XYLT2: variants seen among roughly 807,000 people sequenced by gnomAD.
The protein encoded by XYLT2 is xylosyltransferase 2.
XYLT2 carries 37 observed loss-of-function variants against 82.6 expected under a neutral mutation model. That is an observed-to-expected ratio of 0.45 (90% confidence interval 0.34 to 0.59). The LOEUF (loss-of-function observed/expected upper bound fraction) is 0.59. XYLT2 is among the 20% of genes least tolerant of loss of function. The pLI, the probability that XYLT2 is intolerant of heterozygous loss-of-function variation, is 0.01. For missense variants in XYLT2, 934 were observed against 1,181.3 expected, an observed-to-expected ratio of 0.79 and a Z score of 3.07; for synonymous variants, 474 against 499.0, an observed-to-expected ratio of 0.95 and a Z score of 0.67.
chr17:50,353,144 G>A (rs1249423591), intron 1 of XYLT2, among the ~76,000 whole-genome samples: 1 of 152,086 alleles, frequency 6.6e-6, no homozygotes, highest in Admixed American at 6.6e-5. Flanking sequence ...GCTGTGAGGT[G>A]GCCTCAGTCT....
At position 50,356,665 on chromosome 17, in the gene XYLT2, G is replaced by A. The variant is rs1169357330; in HGVS notation, c.1637G>A (p.Gly546Asp). ...GAGAACACCTACGACGCGGCTGATG[G>A]CCCCAGTGGGCTCAGTGATGTCATG... is the stretch of plus-strand genomic sequence containing the variant. Reference protein sequence around the residue: ...YWENTYDAADGPSGLSDVMLT... With the variant: ...YWENTYDAADDPSGLSDVMLT... Residue 546 changes from glycine (G) to aspartate (D), a missense_variant, in exon 8 of 11, where the codon GGC becomes GAC. Physicochemically the swap from Gly to Asp is moderately conservative, Grantham distance 94. Coordinates refer to ENST00000017003, the MANE Select transcript of XYLT2 (RefSeq NM_022167.4). 3.0e-5 allele frequency: 49 copies of A among 1,613,648 alleles called. No homozygotes were observed. Among genetic ancestry groups the A allele is most frequent in the Non-Finnish European group, 4.1e-5 (48 of 1,180,034 alleles).
Position 50,358,458 on chromosome 17 carries a change from C to T in XYLT2, c.2193C>T (p.Leu731=), listed in dbSNP as rs765405225. Residue 731 remains leucine, a synonymous_variant, in exon 10 of 11, where the codon CTC becomes CTT. Transcript: ENST00000017003. ...PLRPGPWTVR[L]LQFWEPLGET... is the part of the protein sequence containing the mutation. Reference sequence around the variant, plus strand: ...GGCCAGGGCCCTGGACTGTTCGACTCCTTCAGTTCTGGGAACCGCTGGGTG... The same window carrying T: ...GGCCAGGGCCCTGGACTGTTCGACTTCTTCAGTTCTGGGAACCGCTGGGTG... 10 of 1,614,096 alleles carry T rather than the reference C, an allele frequency of 6.2e-6. No individual in the cohort carries two copies. In the African/African-American group the frequency reaches 9.3e-5, roughly 15 times the overall value.
intron 1 of XYLT2, among the ~76,000 whole-genome samples, chr17:50,348,470 T>C (rs1019282681): frequency 5.3e-5 from 8 of 152,330 alleles, no homozygotes; most frequent in African/African-American, 1.9e-4. Context: ...GGTTTTATTC[T>C]AAGTGCAGTG....
At chr17:50,352,695 AG>A (rs1453523872) in intron 1 of XYLT2, among the ~76,000 whole-genome samples, 1 of 152,204 alleles carries the variant, frequency 6.6e-6, no homozygotes, top group Non-Finnish European at 1.5e-5. Flanking sequence ...GCCAGGAAGC[AG>A]GGGCGCAGCA....
chr17:50,356,007 C>G lies in XYLT2; in HGVS notation c.1305+10C>G. The G allele has an allele frequency of 6.2e-7, 1 of 1,614,214 alleles. No individual in the cohort carries two copies. Among genetic ancestry groups the G allele is most frequent in the Non-Finnish European group, 8.5e-7 (1 of 1,180,034 alleles). On this transcript the variant is annotated intron_variant, in intron 6 of 10. Transcript: ENST00000017003. ...ACTGCTCCCAGCCGAGGTGGGTAGCCCAGCAGGCATGAAGGCCAGGGAGGG... is the reference window on the plus strand; with the variant it reads ...ACTGCTCCCAGCCGAGGTGGGTAGCGCAGCAGGCATGAAGGCCAGGGAGGG...
intron 1 of XYLT2, among the ~76,000 whole-genome samples, chr17:50,347,240 C>T (rs1418418083): frequency 6.6e-6 from 1 of 152,214 alleles, no homozygotes; most frequent in East Asian, 1.9e-4. Context: ...CCCCCAGCGC[C>T]CCTGTTCTGC....
intron 10 of XYLT2, chr17:50,359,715 C>G (rs552241373): frequency 1.9e-6 from 1 of 514,450 alleles, no homozygotes; most frequent in Non-Finnish European, 3.5e-6. Context: ...AGACTGTTCC[C>G]TTTTCTAAAG....
In XYLT2 at chr17:50,360,246, C is replaced by T; in HGVS notation, c.2553C>T (p.Pro851=). ...GCTGGAGCTCTCTGTCCCCCGACCC[C>T]AAATCAGAGCTGGGGCCTGTCAAAG... is the stretch of plus-strand genomic sequence containing the variant. ...LTSWSSLSPD[P]KSELGPVKAD... Residue 851 remains proline, a synonymous_variant, in exon 11 of 11, where the codon CCC becomes CCT. Coordinates refer to ENST00000017003, the MANE Select transcript of XYLT2 (RefSeq NM_022167.4). 1 of 1,612,402 alleles carries T rather than the reference C, an allele frequency of 6.2e-7. No individual in the cohort carries two copies. The highest frequency in any genetic ancestry group is 8.5e-7 in the Non-Finnish European group (1 of 1,179,052).
rs1912622431 is a variant in XYLT2 at position 50,357,960 on chromosome 17, CG to C, written c.1942-246del. 2.0e-5 allele frequency: 10 copies of C among 511,654 alleles called. No individual in the cohort carries two copies. In the South Asian group the frequency reaches 3.3e-4, roughly 17 times the overall value. The allele number at this position is 511,654 out of a possible 1,614,324, so 31.7% of individuals were successfully genotyped here. On this transcript the variant is annotated intron_variant, in intron 9 of 10. Transcript: ENST00000017003. ...GCAGGACTTTGAACCTCATCCCTGC[CG>C]TATTGTCCCCAATAAGGGGGACTGA...
chr17:50,357,944 T>C (rs967439652), intron 9 of XYLT2: 4 of 474,968 alleles, frequency 8.4e-6, no homozygotes, highest in Non-Finnish European at 1.5e-5. Context: ...GGCAGGACTT[T>C]GAACCTCATC....
intron 10 of XYLT2, chr17:50,358,881 C>G (rs1487686821): frequency 4.4e-6 from 1 of 227,238 alleles, no homozygotes; most frequent in East Asian, 9.1e-5. Flanking sequence ...GTTCATGCAA[C>G]ACAAATCCAC....
At position 50,346,203 on chromosome 17, in the gene XYLT2, G is replaced by T; in HGVS notation, c.63G>T (p.Ala21=). The change falls in exon 1 of 11, where the codon GCG becomes GCT. Residue 21 remains alanine (A), a synonymous_variant. Transcript: ENST00000017003. The surrounding 1 kb of genome is among the most constrained non-coding windows in gnomAD (Gnocchi z 5.1). ...VRRYKLAIAT[A]LAILLLQGLV... ...GCTACAAGCTGGCGATTGCCACGGC[G>T]CTGGCCATCCTGCTGCTGCAGGGCC... 7.7e-7 allele frequency: 1 copy of T among 1,293,852 alleles called. No individual in the cohort carries two copies. The highest frequency in any genetic ancestry group is 1.0e-6 in the Non-Finnish European group (1 of 994,530). 80.1% of individuals were successfully genotyped at this position (1,293,852 alleles called of 1,614,324 possible).
rs201928888 is a variant in XYLT2, at chr17:50,355,883, C to T, written c.1191C>T (p.Gly397=). The T allele has an allele frequency of 1.6e-4, 258 of 1,614,114 alleles. No individual in the cohort carries two copies. The highest frequency in any genetic ancestry group is 1.9e-4 in the Non-Finnish European group (223 of 1,180,062). Reference sequence around the variant, plus strand: ...TCCCAGCAGGCATTGTGGTGGATGGCGGTTCTGACTGGTTCGTGCTGACAC... The same window carrying T: ...TCCCAGCAGGCATTGTGGTGGATGGTGGTTCTGACTGGTTCGTGCTGACAC... ...RQIPAGIVVD[G]GSDWFVLTRS... Residue 397 remains glycine (G), a synonymous_variant, in exon 6 of 11, where the codon GGC becomes GGT. Transcript: ENST00000017003.
Position 50,356,525 on chromosome 17 carries a change from C to T in XYLT2, c.1497C>T (p.Pro499=). Residue 499 remains proline (P), a synonymous_variant, in exon 8 of 11, where the codon CCC becomes CCT. Coordinates refer to ENST00000017003, the MANE Select transcript of XYLT2 (RefSeq NM_022167.4). ...DFLRLQQVSR[P]TFFARKFEST... is the part of the protein sequence containing the mutation. ...TCCCACTCCAGCAAGTCTCCAGACC[C>T]ACCTTCTTCGCCCGGAAGTTCGAGT... The T allele has an allele frequency of 6.2e-7, 1 of 1,614,102 alleles. No homozygotes were observed. Among genetic ancestry groups the T allele is most frequent in the South Asian group, 1.1e-5 (1 of 91,086 alleles).
chr17:50,349,621 G>A (rs1463804283), intron 1 of XYLT2, among the ~76,000 whole-genome samples: 6 of 152,174 alleles, frequency 3.9e-5, no homozygotes, highest in Non-Finnish European at 8.8e-5. Flanking sequence ...AGGCTGGCTG[G>A]GTGCTAGGCA....
At position 50,351,668 on chromosome 17, in the gene XYLT2, C is replaced by T. The variant is rs1384364519; in HGVS notation, c.136-1962C>T. ...AAAATGATTCCTAAAAGTTTTTGGC[C>T]TGAGCATCCTGAAGGATGGAGATGT... On this transcript the variant is annotated intron_variant, in intron 1 of 10. Coordinates refer to ENST00000017003, the MANE Select transcript of XYLT2 (RefSeq NM_022167.4). 3.9e-5 allele frequency among the ~76,000 whole-genome samples: 6 copies of T among 152,190 alleles called. No individual in the cohort carries two copies. The South Asian group carries it at 1.2e-3, about 32-fold the overall frequency.
rs1428633163 is a variant in XYLT2, at chr17:50,346,639, G to C, written c.135+364G>C. The C allele has an allele frequency of 3.0e-6, 3 of 985,272 alleles. No individual in the cohort carries two copies. Among genetic ancestry groups the C allele is most frequent in the Non-Finnish European group, 3.6e-6 (3 of 829,904 alleles). The allele number at this position is 985,272 out of a possible 1,614,324, so 61.0% of individuals were successfully genotyped here. A position where few individuals can be genotyped will look rare whatever the true frequency, so the allele number is the denominator to read the frequency against. ...CCTGCTCGGAGGTGGGGAGCCCCAG[G>C]CCAAACTTTCTGAAGTTGGGAGGGG... On this transcript the variant is annotated intron_variant, in intron 1 of 10. Transcript: ENST00000017003. This position sits in a 1 kb window ranked among gnomAD's most constrained non-coding sequence, Gnocchi z 5.1.
chr17:50,357,308 G>A (rs1284288088), intron 9 of XYLT2, 56 bp downstream of exon 9: 2 of 1,465,496 alleles, frequency 1.4e-6, no homozygotes, highest in African/African-American at 1.4e-5. Flanking sequence ...TTGGGGTAGT[G>A]GGAAGAGAGG....
At position 50,360,311 on chromosome 17, in the gene XYLT2, C is replaced by T. The variant is rs200973528; in HGVS notation, c.*20C>T. ...AGGTAGCAGGGCCCCAGCCAGTACC[C>T]GTGGAGGACCCGGGAAATTGCACCT... On this transcript the variant is annotated 3_prime_UTR_variant, in exon 11 of 11. Transcript: ENST00000017003. 16 of 1,554,104 alleles carry T rather than the reference C, an allele frequency of 1.0e-5. No individual in the cohort carries two copies. Among genetic ancestry groups the T allele is most frequent in the African/African-American group, 8.2e-5 (6 of 73,316 alleles).
Sources: allele counts gnomAD v4.1 joint callset (sites outside exome capture counted in the v4.1 genomes callset), GRCh38; gene constraint gnomAD v4.1.1; non-coding constraint Gnocchi (gnomAD v3.1); transcripts MANE v1.5; gene names NCBI Gene and HGNC (gene_info 2026-07-23, HGNC 2026-07-21).